The following HIP1R variants were observed in gnomAD, a reference collection of about 807,000 sequenced individuals.
HIP1R encodes the protein huntingtin-interacting protein 1-related protein.
HIP1R carries 135 observed loss-of-function variants against 144.2 expected under a neutral mutation model. That is an observed-to-expected ratio of 0.94 (90% confidence interval 0.81 to 1.08). The LOEUF is 1.08. Ranked by LOEUF, HIP1R falls within the 50% of genes least tolerant of loss-of-function variation. The pLI is 0.00. For synonymous variants in HIP1R, 698 were observed against 612.8 expected (o/e 1.14, Z -2.05); for missense variants, 1,462 against 1,432.8 (o/e 1.02, Z -0.33).
Position 122,854,932 on chromosome 12 carries a change from A to T in HIP1R, c.746A>T (p.His249Leu). Residue 249 changes from histidine (H) to leucine (L), a missense_variant, in exon 9 of 32, where the codon CAC (histidine) becomes CTC (leucine). Transcript: ENST00000253083. ...SCLPADTLQGHRDRFHEQFHS... is the reference protein window; with the variant it reads ...SCLPADTLQGLRDRFHEQFHS... ...CTCCCTGCGGACACCCTGCAAGGCC[A>T]CAGGGACCGGTTCCACGAGCAGTTT... The T allele has an allele frequency of 6.2e-7, 1 of 1,612,840 alleles. No homozygotes were observed. Among genetic ancestry groups the T allele is most frequent in the Non-Finnish European group, 8.5e-7 (1 of 1,179,632 alleles).
intron 7 of HIP1R, among the ~76,000 whole-genome samples, chr12:122,851,631 C>T (rs567105358): frequency 5.0e-4 from 76 of 151,372 alleles, no homozygotes; most frequent in African/African-American, 1.7e-3. Context: ...ACCTGGGCGG[C>T]GGAGATCATG....
Position 122,854,931 on chromosome 12 carries a change from C to G in HIP1R, c.745C>G (p.His249Asp). The G allele has an allele frequency of 6.2e-7, 1 of 1,612,838 alleles. No individual in the cohort carries two copies. Among genetic ancestry groups the G allele is most frequent in the Non-Finnish European group, 8.5e-7 (1 of 1,179,644 alleles). The change falls in exon 9 of 32, where the codon CAC becomes GAC. Residue 249 changes from histidine to aspartate, a missense_variant. Physicochemically the swap from His to Asp is moderately conservative, Grantham distance 81 (BLOSUM62 -1). This residue lies in a region of HIP1R where 350 missense variants were observed against 421.1 expected (regional missense o/e 0.83). Coordinates refer to ENST00000253083, the MANE Select transcript of HIP1R (RefSeq NM_003959.3). ...TCTCCCTGCGGACACCCTGCAAGGCCACAGGGACCGGTTCCACGAGCAGTT... is the reference window on the plus strand; with the variant it reads ...TCTCCCTGCGGACACCCTGCAAGGCGACAGGGACCGGTTCCACGAGCAGTT... ...SCLPADTLQG[H>D]RDRFHEQFHS...
At position 122,859,427 on chromosome 12, in the gene HIP1R, A is replaced by C; in HGVS notation, c.2297A>C (p.Glu766Ala). 1 of 1,612,712 alleles carries C rather than the reference A, an allele frequency of 6.2e-7. No homozygotes were observed. Among genetic ancestry groups the C allele is most frequent in the South Asian group, 1.1e-5 (1 of 91,076 alleles). ...CTGTCTGACTCCCATCCTCACCAGG[A>C]ACTGAAACCCAAGAGCCTAGATGTG... Reference protein sequence around the residue: ...PLQGILQLGQELKPKSLDVRQ... With the variant: ...PLQGILQLGQALKPKSLDVRQ... The change falls in exon 23 of 32, where the codon GAA becomes GCA. Residue 766 changes from glutamate (E) to alanine (A), a missense_variant and splice_region_variant. Glu to Ala is a moderately radical substitution (Grantham distance 107). Coordinates refer to ENST00000253083, the MANE Select transcript of HIP1R (RefSeq NM_003959.3).
At position 122,846,059 on chromosome 12, in the gene HIP1R, C is replaced by T. The variant is rs567103057; in HGVS notation, c.94-1972C>T. On this transcript the variant is annotated intron_variant, in intron 1 of 31. Coordinates refer to ENST00000253083, the MANE Select transcript of HIP1R (RefSeq NM_003959.3). The stretch of plus-strand genomic sequence containing the variant: ...TCCACCCTTCTTGCCAGGAATCTTC[C>T]GAACCAGGTGGCAGCTCAGGTGTCG... 3.4e-4 allele frequency among the ~76,000 whole-genome samples: 52 copies of T among 152,332 alleles called. No individual in the cohort carries two copies. The East Asian group carries it at 8.1e-3, about 24-fold the overall frequency.
intron 8 of HIP1R, 52 bp downstream of exon 8, chr12:122,854,235 A>G (rs1426392442): frequency 1.3e-6 from 2 of 1,504,772 alleles, no homozygotes; most frequent in East Asian, 4.9e-5. Flanking sequence ...TATATGGCTT[A>G]GACATTCACT....
At chr12:122,850,030 G>T in intron 5 of HIP1R, 75 bp downstream of exon 5, 1 of 963,596 alleles carries the variant, frequency 1.0e-6, no homozygotes, top group East Asian at 2.4e-5. Flanking sequence ...GCACATGTTG[G>T]GACATCGAGG....
Position 122,860,409 on chromosome 12 carries a change from C to T in HIP1R, c.2560-14C>T. 1.2e-6 allele frequency: 2 copies of T among 1,612,830 alleles called. No individual in the cohort carries two copies. Among genetic ancestry groups the T allele is most frequent in the East Asian group, 2.2e-5 (1 of 44,876 alleles). On this transcript the variant is annotated splice_polypyrimidine_tract_variant and intron_variant, in intron 26 of 31. Transcript: ENST00000253083. Reference sequence around the variant, plus strand: ...TGACTGGCATGTCCTGCCCTGTTCTCCCGTCGCCACTAGGGGGCAGCCACG... The same window carrying T: ...TGACTGGCATGTCCTGCCCTGTTCTTCCGTCGCCACTAGGGGGCAGCCACG...
At position 122,856,036 on chromosome 12, in the gene HIP1R, G is replaced by A. The variant is rs1295063588; in HGVS notation, c.1185G>A (p.Leu395=). 2 of 1,596,376 alleles carry A rather than the reference G, an allele frequency of 1.3e-6. No homozygotes were observed. The highest frequency in any genetic ancestry group is 1.1e-5 in the South Asian group (1 of 88,310). The change falls in exon 14 of 32, where the codon CTG becomes CTA. Residue 395 remains leucine, a synonymous_variant. Transcript: ENST00000253083. ...KSQVNALEGE[L]EEQRKQKQKA... ...AGGTGAATGCACTGGAGGGTGAGCT[G>A]GAGGAGCAGCGGAAGCAGAAGCAGA... is the stretch of plus-strand genomic sequence containing the variant.
upstream of HIP1R, chr12:122,835,353 C>A (rs2032845809): frequency 1.1e-6 from 1 of 902,586 alleles, no homozygotes; most frequent in Non-Finnish European, 1.3e-6. Context: ...GAGGCGTTTG[C>A]GGGCGCGGGG....
At chr12:122,842,289 G>A (rs936143231) in intron 1 of HIP1R, among the ~76,000 whole-genome samples, 2 of 152,226 alleles carry the variant, frequency 1.3e-5, no homozygotes, top group African/African-American at 4.8e-5. Context: ...ACAGCACAGG[G>A]AGGCTTACGT....
rs2033759300 is a variant in HIP1R at position 122,861,175 on chromosome 12, C to G, written c.2935C>G (p.Gln979Glu). ...CCTGTCCCTCATCAAGCTGAAGAAGCAGGAGATGGAGACCCAGGTAGGCGC... is the reference window on the plus strand; with the variant it reads ...CCTGTCCCTCATCAAGCTGAAGAAGGAGGAGATGGAGACCCAGGTAGGCGC... ...SGLSLIKLKK[Q>E]EMETQVRVLE... is the part of the protein sequence containing the mutation. The change falls in exon 30 of 32, where the codon CAG becomes GAG. Residue 979 changes from glutamine (Q) to glutamate (E), a missense_variant. Transcript: ENST00000253083. 6.2e-7 allele frequency: 1 copy of G among 1,607,000 alleles called. No individual in the cohort carries two copies. The highest frequency in any genetic ancestry group is 8.5e-7 in the Non-Finnish European group (1 of 1,178,412).
chr12:122,857,413 C>T, intron 18 of HIP1R, 198 bp downstream of exon 18: 1 of 627,212 alleles, frequency 1.6e-6, no homozygotes, highest in South Asian at 1.8e-5. Context: ...TTACCTCATT[C>T]CTTTTATGGC....
In HIP1R at chr12:122,859,411, T is replaced by A; in HGVS notation, c.2296-15T>A. ...GGGACGGAGGCTACCCCTGTCTGAC[T>A]CCCATCCTCACCAGGAACTGAAACC... On this transcript the variant is annotated splice_polypyrimidine_tract_variant and intron_variant, in intron 22 of 31. Coordinates refer to ENST00000253083, the MANE Select transcript of HIP1R (RefSeq NM_003959.3). 6.2e-7 allele frequency: 1 copy of A among 1,605,864 alleles called. No individual in the cohort carries two copies. Among genetic ancestry groups the A allele is most frequent in the Non-Finnish European group, 8.5e-7 (1 of 1,173,318 alleles).
intron 18 of HIP1R, chr12:122,857,463 T>C: frequency 1.7e-6 from 1 of 584,272 alleles, no homozygotes; most frequent in Non-Finnish European, 3.1e-6. Flanking sequence ...ACATTGTGTT[T>C]ATCTGTTCAT....
rs370368141 is a variant in HIP1R, at chr12:122,860,992, A to G, written c.2843A>G (p.Asn948Ser). Residue 948 changes from asparagine (N) to serine (S), a missense_variant, in exon 29 of 32, where the codon AAT becomes AGT. Transcript: ENST00000253083. Reference sequence around the variant, plus strand: ...CGCACAGTCAATGAGAGGGCTGCCAATGTGGTGGCCTCCACCAAGTCAGGC... The same window carrying G: ...CGCACAGTCAATGAGAGGGCTGCCAGTGTGGTGGCCTCCACCAAGTCAGGC... ...CSRTVNERAANVVASTKSGQE... is the reference protein window; with the variant it reads ...CSRTVNERAASVVASTKSGQE... 12 of 1,613,598 alleles carry G rather than the reference A, an allele frequency of 7.4e-6. No individual in the cohort carries two copies. Among genetic ancestry groups the G allele is most frequent in the South Asian group, 2.2e-5 (2 of 91,074 alleles).
At chr12:122,835,892 G>C (rs2032877476) in intron 1 of HIP1R, among the ~76,000 whole-genome samples, 1 of 150,804 alleles carries the variant, frequency 6.6e-6, no homozygotes, top group Non-Finnish European at 1.5e-5. Context: ...CCCGCCGGGC[G>C]CTCGGGCCCA....
Position 122,859,115 on chromosome 12 carries a change from A to T in HIP1R, c.2213A>T (p.Gln738Leu). ...GCCCGGGCTCTGGAGCTCATGGGGCAGCTGCAGGACCAGCAGGCTCTGCGG... is the reference window on the plus strand; with the variant it reads ...GCCCGGGCTCTGGAGCTCATGGGGCTGCTGCAGGACCAGCAGGCTCTGCGG... ...CGARALELMG[Q>L]LQDQQALRHM... is the part of the protein sequence containing the mutation. The change falls in exon 22 of 32, where the codon CAG (glutamine) becomes CTG (leucine). Residue 738 changes from glutamine to leucine, a missense_variant. This residue lies in a region of HIP1R where 1,112 missense variants were observed against 1,011.7 expected (regional missense o/e 1.10). Transcript: ENST00000253083. 4 of 1,598,458 alleles carry T rather than the reference A, an allele frequency of 2.5e-6. No homozygotes were observed. Among genetic ancestry groups the T allele is most frequent in the Non-Finnish European group, 3.4e-6 (4 of 1,173,288 alleles).
At chr12:122,855,792 TG>T in intron 12 of HIP1R, 38 bp from the exon 13 acceptor site, 1 of 1,547,080 alleles carries the variant, frequency 6.5e-7, no homozygotes, top group Non-Finnish European at 8.7e-7. Context: ...TTGACTGTTC[TG>T]GTTGACTTAA....
chr12:122,860,742 C>G lies in HIP1R; in HGVS notation c.2724C>G (p.His908Gln), dbSNP rs375994180. 8.7e-6 allele frequency: 14 copies of G among 1,613,148 alleles called. No homozygotes were observed. The highest frequency in any genetic ancestry group is 1.1e-5 in the Non-Finnish European group (13 of 1,179,978). ...ATGAGGAGCTCATCGTCTGCTCCCA[C>G]GAGATCGCAGCCAGCACGGCCCAGC... is the stretch of plus-strand genomic sequence containing the variant. ...GKYEELIVCS[H>Q]EIAASTAQLV... is the part of the protein sequence containing the mutation. The change falls in exon 28 of 32, where the codon CAC (histidine) becomes CAG (glutamine). Residue 908 changes from histidine to glutamine, a missense_variant. His to Gln is a conservative substitution (Grantham distance 24, BLOSUM62 0). Coordinates refer to ENST00000253083, the MANE Select transcript of HIP1R (RefSeq NM_003959.3).
Sources: gnomAD v4.1 joint callset for allele counts (sites outside exome capture counted in the v4.1 genomes callset) on GRCh38, gnomAD v4.1.1 for gene constraint, gnomAD v4.1.1 regional missense constraint, MANE v1.5 for transcripts, NCBI Gene and HGNC (gene_info 2026-07-23, HGNC 2026-07-21) for gene names.